TPRG1: variants seen among roughly 807,000 people sequenced by gnomAD.
The protein encoded by TPRG1 is tumor protein p63-regulated gene 1 protein.
TPRG1 carries 29 observed loss-of-function variants against 29.3 expected under a neutral mutation model. The observed-to-expected ratio is 0.99, with a 90% confidence interval of 0.74 to 1.35. The LOEUF (loss-of-function observed/expected upper bound fraction) is 1.35. Among genes scored for constraint, TPRG1 ranks in the 40% most tolerant of loss-of-function variants. The pLI, the probability that TPRG1 is intolerant of heterozygous loss-of-function variation, is 0.00. For synonymous variants in TPRG1, 130 were observed against 116.8 expected (o/e 1.11, Z -0.73); for missense variants, 327 against 335.0 (o/e 0.98, Z 0.19).
intron 4 of TPRG1, among the ~76,000 whole-genome samples, chr3:189,076,041 A>G (rs1717149662): frequency 6.6e-6 from 1 of 152,158 alleles, no homozygotes; most frequent in Non-Finnish European, 1.5e-5. Context: ...TCAGGTGAGG[A>G]TATTAAAATA....
upstream of TPRG1, among the ~76,000 whole-genome samples, chr3:189,170,325 G>A (rs1474548803): frequency 6.6e-6 from 1 of 152,158 alleles, no homozygotes; most frequent in East Asian, 1.9e-4. Context: ...TAGGGAGGGG[G>A]CATAAATCAG....
intron 3 of TPRG1, among the ~76,000 whole-genome samples, chr3:189,136,648 G>A (rs1723781178): frequency 6.6e-6 from 1 of 152,190 alleles, no homozygotes; most frequent in Admixed American, 6.5e-5. Flanking sequence ...CAAGAAAACA[G>A]CTAGGTCTCT....
At chr3:189,243,946 C>T (rs1173692246) in intron 4 of TPRG1, among the ~76,000 whole-genome samples, 4 of 152,174 alleles carry the variant, frequency 2.6e-5, no homozygotes, top group African/African-American at 4.8e-5. Context: ...AAGTTCCAAA[C>T]GTTTCCTCAT....
intron 2 of TPRG1, among the ~76,000 whole-genome samples, chr3:189,128,635 A>G (rs1032703378): frequency 2.0e-5 from 3 of 152,184 alleles, no homozygotes; most frequent in Non-Finnish European, 4.4e-5. Context: ...TTTTGACCTC[A>G]TATCAACAAA....
intron 4 of TPRG1, among the ~76,000 whole-genome samples, chr3:189,050,462 A>G (rs1424580872): frequency 6.6e-6 from 1 of 152,194 alleles, no homozygotes; most frequent in East Asian, 1.9e-4. Flanking sequence ...CCAACAAAAA[A>G]AATTCAGGAC....
upstream of TPRG1, among the ~76,000 whole-genome samples, chr3:189,170,494 T>C (rs548231912): frequency 6.6e-6 from 1 of 152,348 alleles, no homozygotes; most frequent in African/African-American, 2.4e-5. Context: ...TCCTCTGGAT[T>C]ACCATAGTAC....
chr3:189,190,801 A>C (rs1731578018), intron 1 of TPRG1, among the ~76,000 whole-genome samples: 1 of 152,210 alleles, frequency 6.6e-6, no homozygotes, highest in African/African-American at 2.4e-5. Context: ...TGGCATTACC[A>C]ACCACTCTTC....
At chr3:189,298,121 C>G (rs986216177) in intron 4 of TPRG1, among the ~76,000 whole-genome samples, 3 of 152,130 alleles carry the variant, frequency 2.0e-5, no homozygotes, top group African/African-American at 7.2e-5. Flanking sequence ...CTCACTTACC[C>G]CAAAGCAAAT....
chr3:189,240,432 C>A (rs765021420), intron 4 of TPRG1: 2 of 152,006 alleles, frequency 1.3e-5, no homozygotes, highest in Non-Finnish European at 2.9e-5. Flanking sequence ...TCCATTGTCA[C>A]GTTGCTGATA....
chr3:189,219,734 C>A, intron 3 of TPRG1: 1 of 1,201,382 alleles, frequency 8.3e-7, no homozygotes. Flanking sequence ...CCTCCACACA[C>A]GTTAGTGTGA....
chr3:189,093,494 C>G (rs889792104), intron 4 of TPRG1, among the ~76,000 whole-genome samples: 2 of 152,182 alleles, frequency 1.3e-5, no homozygotes, highest in African/African-American at 4.8e-5. Context: ...TGGATTGTTT[C>G]TGTGAGCTGA....
chr3:189,120,958 A>T (rs1056957556), intron 1 of TPRG1, among the ~76,000 whole-genome samples: 5 of 152,218 alleles, frequency 3.3e-5, no homozygotes, highest in Non-Finnish European at 7.4e-5. Context: ...ATTTTATTCA[A>T]TTAAAATTAA....
At chr3:189,264,787 A>G (rs1346853525) in intron 4 of TPRG1, among the ~76,000 whole-genome samples, 2 of 152,224 alleles carry the variant, frequency 1.3e-5, no homozygotes, top group Non-Finnish European at 2.9e-5. Flanking sequence ...CTGATTTCTT[A>G]TCCCTTCCTT....
chr3:189,250,510 C>A (rs1224118744), intron 4 of TPRG1, among the ~76,000 whole-genome samples: 8 of 82,776 alleles, frequency 9.7e-5, no homozygotes, highest in Non-Finnish European at 1.6e-4. Context: ...TTCCGCCCCC[C>A]CCCCCCCACC....
intron 1 of TPRG1, among the ~76,000 whole-genome samples, chr3:189,126,784 G>A (rs1356486950): frequency 2.0e-5 from 3 of 152,150 alleles, no homozygotes; most frequent in Admixed American, 6.5e-5. Context: ...CCTGGTGTTT[G>A]CTATGTATTC....
chr3:189,263,434 A>G (rs1157765766), intron 4 of TPRG1, among the ~76,000 whole-genome samples: 1 of 152,232 alleles, frequency 6.6e-6, no homozygotes, highest in Non-Finnish European at 1.5e-5. Flanking sequence ...CCTGAAGGAC[A>G]TCAAAGTGGA....
intron 4 of TPRG1, among the ~76,000 whole-genome samples, chr3:189,031,241 C>T (rs891000503): frequency 4.0e-5 from 6 of 151,592 alleles, no homozygotes; most frequent in Non-Finnish European, 8.8e-5. Context: ...CAGTGAGCCG[C>T]GATTGCGCCA....
chr3:189,282,463 T>G (rs557478889), intron 4 of TPRG1, among the ~76,000 whole-genome samples: 12 of 152,158 alleles, frequency 7.9e-5, no homozygotes, highest in Non-Finnish European at 1.5e-4. Context: ...ACGTGTATTT[T>G]GTGCCTCATT....
chr3:189,078,083 C>CTT (rs1717320921), intron 4 of TPRG1, among the ~76,000 whole-genome samples: 1 of 106,510 alleles, frequency 9.4e-6, no homozygotes, highest in African/African-American at 3.8e-5. Flanking sequence ...CTCTCTTTCT[C>CTT]TCTTTCTCTC....
Sources: gnomAD v4.1 joint callset for allele counts (sites outside exome capture counted in the v4.1 genomes callset) on GRCh38, gnomAD v4.1.1 for gene constraint, MANE v1.5 for transcripts, NCBI Gene and HGNC (gene_info 2026-07-23, HGNC 2026-07-21) for gene names.